The following TAFA5 variants were observed in gnomAD, a reference collection of about 807,000 sequenced individuals.
TAFA5 encodes the protein chemokine-like protein TAFA-5.
In TAFA5, 6 loss-of-function variants were observed where a neutral mutation model predicts 15.3. The observed-to-expected ratio is 0.39, with a 90% CI of 0.21 to 0.77. The LOEUF is 0.77. Ranked by LOEUF, TAFA5 falls within the 30% of genes least tolerant of loss-of-function variation. The pLI, the probability that TAFA5 is intolerant of heterozygous loss-of-function variation, is 0.41. For missense variants in TAFA5, 161 were observed against 193.1 expected (o/e 0.83, Z 0.98); for synonymous variants, 103 against 80.7 (o/e 1.28, Z -1.48).
intron 1 of TAFA5, among the ~76,000 whole-genome samples, chr22:48,636,550 G>A (rs547397503): frequency 2.0e-5 from 3 of 149,846 alleles, no homozygotes; most frequent in African/African-American, 7.5e-5. Flanking sequence ...TGTGTGGGTC[G>A]CTCCGAGTGG....
At chr22:48,573,220 C>T (rs1923648093) in intron 1 of TAFA5, among the ~76,000 whole-genome samples, 1 of 152,226 alleles carries the variant, frequency 6.6e-6, no homozygotes. Flanking sequence ...TGGTTTGTTT[C>T]ACCTTCTCGG....
At chr22:48,531,229 G>A (rs1305833978) in intron 1 of TAFA5, among the ~76,000 whole-genome samples, 1 of 152,216 alleles carries the variant, frequency 6.6e-6, no homozygotes, top group East Asian at 1.9e-4. Flanking sequence ...TCAGATGTGT[G>A]GCCGCAGGAG....
intron 1 of TAFA5, among the ~76,000 whole-genome samples, chr22:48,568,565 T>A (rs541703162): frequency 6.6e-6 from 1 of 152,300 alleles, no homozygotes; most frequent in Admixed American, 6.5e-5. Flanking sequence ...CTTCCACACA[T>A]GCAGGAGGAA....
chr22:48,718,090 C>T (rs1419080922), intron 3 of TAFA5, among the ~76,000 whole-genome samples: 2 of 152,186 alleles, frequency 1.3e-5, no homozygotes, highest in Non-Finnish European at 2.9e-5. Context: ...CTGCGGACAG[C>T]AGGCCACGGG....
In TAFA5 at chr22:48,561,924, C is replaced by T. The variant is rs370400290; in HGVS notation, c.112+72220C>T. Among the ~76,000 whole-genome samples, 7 of 152,266 alleles carry T rather than the reference C, an allele frequency of 4.6e-5. No individual in the cohort carries two copies. In the East Asian group the frequency reaches 7.7e-4, roughly 17 times the overall value. On this transcript the variant is annotated intron_variant, in intron 1 of 3. Coordinates refer to ENST00000402357, the MANE Select transcript of TAFA5 (RefSeq NM_001082967.3). ...TCTGTCCTGGGACTGGGACCGTGGG[C>T]GGTGGCTCGGCTCATGGCCACTGGT...
intron 2 of TAFA5, among the ~76,000 whole-genome samples, chr22:48,651,311 G>A (rs763218589): frequency 5.3e-5 from 8 of 152,198 alleles, no homozygotes; most frequent in South Asian, 4.1e-4. Flanking sequence ...ATGGCACAGC[G>A]CAGACCCATT....
At chr22:48,491,614 G>A (rs1221446497) in intron 1 of TAFA5, among the ~76,000 whole-genome samples, 1 of 152,256 alleles carries the variant, frequency 6.6e-6, no homozygotes. Context: ...CCGAGCCCGC[G>A]AGGAGCGCGG....
chr22:48,723,430 G>A (rs1040727467), intron 3 of TAFA5, among the ~76,000 whole-genome samples: 4 of 152,238 alleles, frequency 2.6e-5, no homozygotes, highest in Admixed American at 6.5e-5. Flanking sequence ...CAGTGCCGGC[G>A]TCTTCGTCAC....
At chr22:48,706,961 G>A (rs1929097321) in intron 2 of TAFA5, among the ~76,000 whole-genome samples, 1 of 152,216 alleles carries the variant, frequency 6.6e-6, no homozygotes, top group African/African-American at 2.4e-5. Context: ...GAGAGAAAAT[G>A]CAATTCTCTC....
At chr22:48,625,521 A>G (rs1925998771) in intron 1 of TAFA5, among the ~76,000 whole-genome samples, 1 of 152,196 alleles carries the variant, frequency 6.6e-6, no homozygotes, top group Admixed American at 6.5e-5. Context: ...TTATCAACTC[A>G]TGCACAGTGC....
At chr22:48,590,963 C>T (rs188804811) in intron 1 of TAFA5, among the ~76,000 whole-genome samples, 4 of 152,040 alleles carry the variant, frequency 2.6e-5, no homozygotes, top group Admixed American at 2.0e-4. Context: ...GCAGTTCTCC[C>T]GCCTCAGCCT....
At chr22:48,614,589 G>C (rs1017382938) in intron 1 of TAFA5, among the ~76,000 whole-genome samples, 3 of 152,226 alleles carry the variant, frequency 2.0e-5, no homozygotes, top group African/African-American at 2.4e-5. Flanking sequence ...AAGGGATGCA[G>C]AGGCCAGACT....
intron 1 of TAFA5, among the ~76,000 whole-genome samples, chr22:48,521,437 C>T (rs1463815825): frequency 6.6e-6 from 1 of 151,872 alleles, no homozygotes; most frequent in African/African-American, 2.4e-5. Flanking sequence ...CCACCTCGTG[C>T]TCCCATTTTC....
rs1922891208 is a variant in TAFA5, at chr22:48,552,511, G to C, written c.112+62807G>C. On this transcript the variant is annotated intron_variant, in intron 1 of 3. Coordinates refer to ENST00000402357, the MANE Select transcript of TAFA5 (RefSeq NM_001082967.3). This position sits in a 1 kb window ranked among gnomAD's most constrained non-coding sequence, Gnocchi z 4.1. ...CTGCAGGCCACGAGGTGGGCAGCCT[G>C]CTCTCCTTGGGTCAGGACATGGAGA... Among the ~76,000 whole-genome samples the C allele has an allele frequency of 6.6e-6, 1 of 152,144 alleles. No individual in the cohort carries two copies. Among genetic ancestry groups the C allele is most frequent in the Non-Finnish European group, 1.5e-5 (1 of 68,018 alleles).
chr22:48,516,960 G>A (rs896948831), intron 1 of TAFA5, among the ~76,000 whole-genome samples: 17 of 152,228 alleles, frequency 1.1e-4, no homozygotes, highest in Non-Finnish European at 2.2e-4. Context: ...TTTTCGCATA[G>A]TTAAAATTCA....
intron 1 of TAFA5, among the ~76,000 whole-genome samples, chr22:48,625,307 T>A (rs533468697): frequency 1.3e-5 from 2 of 152,266 alleles, no homozygotes; most frequent in Admixed American, 6.5e-5. Flanking sequence ...ATATCTATGT[T>A]GAGGTTAAAG....
chr22:48,516,489 C>T (rs137867322), intron 1 of TAFA5, among the ~76,000 whole-genome samples: 28 of 152,314 alleles, frequency 1.8e-4, no homozygotes, highest in African/African-American at 6.5e-4. Flanking sequence ...AATGGGGGCC[C>T]GCCCCCAACT....
intron 1 of TAFA5, among the ~76,000 whole-genome samples, chr22:48,580,981 C>G (rs1413677503): frequency 1.3e-5 from 2 of 152,226 alleles, no homozygotes; most frequent in African/African-American, 2.4e-5. Flanking sequence ...CCTGCCTCTC[C>G]CTGACCCTCC....
intron 1 of TAFA5, among the ~76,000 whole-genome samples, chr22:48,508,340 C>A (rs773730811): frequency 5.9e-5 from 9 of 152,224 alleles, no homozygotes; most frequent in East Asian, 1.9e-4. Context: ...GCCGCCCCCC[C>A]AGAGCTGGCC....
Sources: allele counts gnomAD v4.1 joint callset (sites outside exome capture counted in the v4.1 genomes callset), GRCh38; gene constraint gnomAD v4.1.1; non-coding constraint Gnocchi (gnomAD v3.1); transcripts MANE v1.5; gene names NCBI Gene and HGNC (gene_info 2026-07-23, HGNC 2026-07-21).